The following VPS13B variants were observed in gnomAD, a reference collection of about 807,000 sequenced individuals.
VPS13B encodes the protein vacuolar protein sorting 13 homolog B.
VPS13B carries 285 observed loss-of-function variants against 426.4 expected under a neutral mutation model. The observed-to-expected ratio is 0.67, with a 90% CI of 0.61 to 0.74. VPS13B has a LOEUF of 0.74. VPS13B is among the 30% of genes least tolerant of loss of function. VPS13B has a pLI of 0.00. For missense variants in VPS13B, 4,537 were observed against 4,782.6 expected, an observed-to-expected ratio of 0.95 and a Z score of 1.51; for synonymous variants, 1,676 against 1,676.4, an observed-to-expected ratio of 1.00 and a Z score of 0.01.
Position 99,491,333 on chromosome 8 carries a change from C to T in VPS13B, c.3870+9531C>T, listed in dbSNP as rs529142312. On this transcript the variant is annotated intron_variant, in intron 25 of 61. Transcript: ENST00000357162. ...TCAACCTTGGTGAATCTGACAATTA[C>T]GTGTCTTGGGGTTGTTCTTCTCAAG... Among the ~76,000 whole-genome samples the T allele has an allele frequency of 7.2e-5, 11 of 152,154 alleles. No homozygotes were observed. The South Asian group carries it at 1.2e-3, about 17-fold the overall frequency.
chr8:99,526,620 C>T (rs1411614379), intron 30 of VPS13B, among the ~76,000 whole-genome samples: 2 of 152,134 alleles, frequency 1.3e-5, no homozygotes, highest in African/African-American at 2.4e-5. Flanking sequence ...ATGAAAATAA[C>T]TGAAGAAGGA....
chr8:99,355,211 A>G (rs1276017345), intron 19 of VPS13B, among the ~76,000 whole-genome samples: 8 of 152,244 alleles, frequency 5.3e-5, no homozygotes, highest in Admixed American at 5.2e-4. Flanking sequence ...TTTCCCCTTT[A>G]ATGTAAATCA....
chr8:99,096,781 T>C (rs1846447836), intron 4 of VPS13B, among the ~76,000 whole-genome samples: 1 of 151,950 alleles, frequency 6.6e-6, no homozygotes, highest in Non-Finnish European at 1.5e-5. Context: ...AAATTGATCA[T>C]TGTTTTAGTA....
chr8:99,463,169 G>A (rs887652903), intron 23 of VPS13B, among the ~76,000 whole-genome samples: 1 of 152,126 alleles, frequency 6.6e-6, no homozygotes, highest in Admixed American at 6.6e-5. Context: ...CTTTGTTGTT[G>A]GAAGGGCAAT....
At chr8:99,099,087 G>A (rs1588034409) in intron 4 of VPS13B, among the ~76,000 whole-genome samples, 1 of 151,620 alleles carries the variant, frequency 6.6e-6, no homozygotes, top group African/African-American at 2.4e-5. Flanking sequence ...AACTCACATC[G>A]GTTTTTTTAG....
At chr8:99,765,231 C>A (rs1044667753) in intron 39 of VPS13B, among the ~76,000 whole-genome samples, 3 of 152,090 alleles carry the variant, frequency 2.0e-5, no homozygotes, top group African/African-American at 4.8e-5. Context: ...GGTGAAAAAG[C>A]AAAACTCTGT....
At chr8:99,778,089 G>A (rs1052335274) in intron 41 of VPS13B, among the ~76,000 whole-genome samples, 3 of 151,802 alleles carry the variant, frequency 2.0e-5, no homozygotes, top group Non-Finnish European at 2.9e-5. Context: ...AAAATTAGCT[G>A]GGCGTGGTGG....
intron 23 of VPS13B, among the ~76,000 whole-genome samples, chr8:99,448,532 T>A (rs1274950843): frequency 6.6e-6 from 1 of 152,162 alleles, no homozygotes; most frequent in African/African-American, 2.4e-5. Flanking sequence ...TAAAAGTAAT[T>A]TACTCTTTGT....
rs767487445 is a variant in VPS13B, at chr8:99,275,267, C to G, written c.2824+13C>G. 3 of 1,588,648 alleles carry G rather than the reference C, an allele frequency of 1.9e-6. No homozygotes were observed. The highest frequency in any genetic ancestry group is 1.8e-5 in the Admixed American group (1 of 56,964). On this transcript the variant is annotated intron_variant, in intron 19 of 61. Transcript: ENST00000357162. Reference sequence around the variant, plus strand: ...TGCCACAATTCCGGTAAGTACAAACCTATCATTATTCCCTTGTTTTGCTTT... The same window carrying G: ...TGCCACAATTCCGGTAAGTACAAACGTATCATTATTCCCTTGTTTTGCTTT...
intron 30 of VPS13B, 124 bp downstream of exon 30, chr8:99,521,134 C>G: frequency 1.2e-6 from 1 of 805,842 alleles, no homozygotes; most frequent in East Asian, 2.7e-5. Context: ...TATTTAAAAC[C>G]AGGTTTTTCT....
At chr8:99,501,580 A>G in intron 25 of VPS13B, 107 bp from the exon 26 acceptor site, 1 of 1,100,032 alleles carries the variant, frequency 9.1e-7, no homozygotes, top group African/African-American at 1.6e-5. Context: ...TGCATGTAAG[A>G]TGTGAAAAAG....
At chr8:99,668,414 C>T (rs1281217482) in intron 35 of VPS13B, among the ~76,000 whole-genome samples, 1 of 151,672 alleles carries the variant, frequency 6.6e-6, no homozygotes, top group African/African-American at 2.4e-5. Context: ...ATTATAACTG[C>T]CTAACCTTAA....
intron 30 of VPS13B, among the ~76,000 whole-genome samples, chr8:99,550,326 T>C (rs1402637798): frequency 6.6e-6 from 1 of 151,998 alleles, no homozygotes; most frequent in Non-Finnish European, 1.5e-5. Flanking sequence ...AGTAATGTTA[T>C]ATTTGGTAGG....
chr8:99,211,961 CG>C (rs1484030776), intron 17 of VPS13B, among the ~76,000 whole-genome samples: 2 of 149,440 alleles, frequency 1.3e-5, no homozygotes, highest in East Asian at 4.0e-4. Context: ...GGTGTGATCT[CG>C]GCTCACTGCA....
intron 16 of VPS13B, among the ~76,000 whole-genome samples, chr8:99,187,088 A>T (rs547107044): frequency 2.6e-5 from 4 of 152,292 alleles, no homozygotes; most frequent in African/African-American, 9.6e-5. Context: ...TTGCTACACG[A>T]TAGGACCTCC....
At chr8:99,781,773 G>A (rs1812033211) in intron 42 of VPS13B, among the ~76,000 whole-genome samples, 1 of 152,002 alleles carries the variant, frequency 6.6e-6, no homozygotes, top group Admixed American at 6.6e-5. Flanking sequence ...CTTAACCTCT[G>A]TGTTACCAGC....
chr8:99,853,690 A>C lies in VPS13B; in HGVS notation c.10301A>C (p.Tyr3434Ser). Residue 3434 changes from tyrosine (Y) to serine (S), a missense_variant, in exon 56 of 62, where the codon TAT becomes TCT. Coordinates refer to ENST00000357162, the MANE Select transcript of VPS13B (RefSeq NM_152564.5). ...GACCTGCAGCTAGACAACCAGCTTT[A>C]TAACAAGTCCAATTTCCACTTTGCT... is the stretch of plus-strand genomic sequence containing the variant. ...CGDLQLDNQL[Y>S]NKSNFHFAVL... The C allele has an allele frequency of 6.2e-7, 1 of 1,614,264 alleles. No homozygotes were observed.
intron 43 of VPS13B, among the ~76,000 whole-genome samples, chr8:99,789,374 G>T (rs1251152571): frequency 2.6e-5 from 4 of 152,122 alleles, no homozygotes; most frequent in African/African-American, 4.8e-5. Context: ...TGTTGCCAAA[G>T]CTGATAAATT....
At chr8:99,325,024 A>G (rs1192158906) in intron 19 of VPS13B, among the ~76,000 whole-genome samples, 3 of 152,156 alleles carry the variant, frequency 2.0e-5, no homozygotes. Flanking sequence ...CAGGTAGGCT[A>G]GCATTATTGT....
Sources: gnomAD v4.1 joint callset for allele counts (sites outside exome capture counted in the v4.1 genomes callset) on GRCh38, gnomAD v4.1.1 for gene constraint, MANE v1.5 for transcripts, NCBI Gene and HGNC (gene_info 2026-07-23, HGNC 2026-07-21) for gene names.